BATF: variants seen among roughly 807,000 people sequenced by gnomAD.
The protein encoded by BATF is basic leucine zipper transcriptional factor ATF-like.
BATF carries 5 observed loss-of-function variants against 13.7 expected under a neutral mutation model. The observed-to-expected ratio is 0.36, with a 90% CI of 0.19 to 0.77. The LOEUF is 0.77. BATF is among the 30% of genes least tolerant of loss of function. BATF has a pLI of 0.51. For synonymous variants in BATF, 72 were observed against 67.5 expected, an observed-to-expected ratio of 1.07 and a Z score of -0.33; for missense variants, 124 against 163.0, an observed-to-expected ratio of 0.76 and a Z score of 1.30.
intron 2 of BATF, 94 bp from the exon 3 acceptor site, chr14:75,546,368 C>T (rs930152545): frequency 1.6e-6 from 2 of 1,283,136 alleles, no homozygotes; most frequent in Non-Finnish European, 2.2e-6. Context: ...TGCTAGTGAA[C>T]AACTAATCTG....
intron 2 of BATF, among the ~76,000 whole-genome samples, chr14:75,540,524 C>G (rs143026023): frequency 2.1e-4 from 32 of 152,296 alleles, no homozygotes; most frequent in African/African-American, 7.2e-4. Flanking sequence ...AACTGTCAAA[C>G]AGTATAACGT....
At chr14:75,526,389 T>G (rs1887655097) in intron 2 of BATF, among the ~76,000 whole-genome samples, 1 of 152,172 alleles carries the variant, frequency 6.6e-6, no homozygotes, top group Non-Finnish European at 1.5e-5. Flanking sequence ...TTCCTTTCCA[T>G]GGAAAAAGTG....
intron 2 of BATF, among the ~76,000 whole-genome samples, chr14:75,542,103 A>G (rs1887904670): frequency 6.6e-6 from 1 of 152,238 alleles, no homozygotes; most frequent in Admixed American, 6.5e-5. Context: ...GAGTCTTTGC[A>G]TCAAACACTC....
chr14:75,524,032 T>C (rs1887615509), intron 1 of BATF, among the ~76,000 whole-genome samples: 1 of 152,184 alleles, frequency 6.6e-6, no homozygotes, highest in Non-Finnish European at 1.5e-5. Flanking sequence ...CCTGAAAGTA[T>C]TGGACATGTT....
intron 2 of BATF, among the ~76,000 whole-genome samples, chr14:75,541,136 T>A (rs565398554): frequency 1.3e-5 from 2 of 152,252 alleles, no homozygotes; most frequent in South Asian, 2.1e-4. Context: ...CCTAGGCTAT[T>A]TTTTTAAAAA....
At position 75,522,694 on chromosome 14, in the gene BATF, C is replaced by T; in HGVS notation, c.12C>T (p.Ser4=). The T allele has an allele frequency of 6.2e-7, 1 of 1,614,176 alleles. No homozygotes were observed. ...GGAAGATTTCAGCCATGCCTCACAG[C>T]TCCGACAGCAGTGACTCCAGCTTCA... MPH[S]SDSSDSSFSR... The change falls in exon 1 of 3, where the codon AGC becomes AGT. Residue 4 remains serine (S), a synonymous_variant. Coordinates refer to ENST00000286639, the MANE Select transcript of BATF (RefSeq NM_006399.5).
At chr14:75,540,941 G>C (rs763585192) in intron 2 of BATF, among the ~76,000 whole-genome samples, 1 of 152,058 alleles carries the variant, frequency 6.6e-6, no homozygotes, top group Non-Finnish European at 1.5e-5. Flanking sequence ...CAAAAAGTTA[G>C]CCAAGTGTAT....
At chr14:75,534,069 T>C (rs2140038165) in intron 2 of BATF, among the ~76,000 whole-genome samples, 1 of 152,172 alleles carries the variant, frequency 6.6e-6, no homozygotes, top group Middle Eastern at 3.4e-3. Context: ...AGAAAGAGAG[T>C]GAGTCCAAAC....
chr14:75,546,064 G>A (rs1595010523), intron 2 of BATF, among the ~76,000 whole-genome samples: 1 of 151,988 alleles, frequency 6.6e-6, no homozygotes, highest in Admixed American at 6.6e-5. Context: ...GTTTTGCCAC[G>A]TTGCCCAGGC....
intron 2 of BATF, among the ~76,000 whole-genome samples, chr14:75,531,308 A>G (rs1887728225): frequency 6.6e-6 from 1 of 152,180 alleles, no homozygotes; most frequent in African/African-American, 2.4e-5. Flanking sequence ...CTGGTGCCGT[A>G]CAGCTGGAAG....
intron 2 of BATF, among the ~76,000 whole-genome samples, chr14:75,543,651 C>A (rs572127955): frequency 1.9e-4 from 29 of 152,052 alleles, no homozygotes; most frequent in Middle Eastern, 3.4e-3. Context: ...CTCACTGCAG[C>A]CTCCAACCCC....
At chr14:75,543,019 T>C (rs1887919749) in intron 2 of BATF, among the ~76,000 whole-genome samples, 1 of 152,162 alleles carries the variant, frequency 6.6e-6, no homozygotes, top group African/African-American at 2.4e-5. Context: ...GCACAGAATT[T>C]ACAGTAAATG....
intron 1 of BATF, 48 bp from the exon 2 acceptor site, chr14:75,525,036 A>G (rs373715508): frequency 2.3e-5 from 34 of 1,507,092 alleles, no homozygotes; most frequent in Non-Finnish European, 3.1e-5. Context: ...GCTTTCACTC[A>G]GAAGGGAGAT....
Position 75,522,575 on chromosome 14 carries a change from G to C in BATF, c.-108G>C, listed in dbSNP as rs909416836. 10 of 1,278,904 alleles carry C rather than the reference G, an allele frequency of 7.8e-6. No homozygotes were observed. The highest frequency in any genetic ancestry group is 7.1e-5 in the East Asian group (3 of 42,250). The allele number at this position is 1,278,904 out of a possible 1,614,324, so 79.2% of individuals were successfully genotyped here. On this transcript the variant is annotated 5_prime_UTR_variant, in exon 1 of 3. Coordinates refer to ENST00000286639, the MANE Select transcript of BATF (RefSeq NM_006399.5). ...GGGCAGGCAGAGGAGGCACCTGTAG[G>C]GGGTGGTGGGCTGGTGGCCCAGGAG...
rs1371683095 is a variant in BATF at position 75,546,747 on chromosome 14, C to T, written c.*76C>T. 2.1e-6 allele frequency: 3 copies of T among 1,438,196 alleles called. No homozygotes were observed. Among genetic ancestry groups the T allele is most frequent in the East Asian group, 2.5e-5 (1 of 40,152 alleles). 89.1% of individuals were successfully genotyped at this position (1,438,196 alleles called of 1,614,324 possible). A position where few individuals can be genotyped will look rare whatever the true frequency, so the allele number is the denominator to read the frequency against. ...CAGAGCTGCGCCCATCCCGCAGAGG[C>T]CCCTGTCCACCTGGAGACCCGGAGA... On this transcript the variant is annotated 3_prime_UTR_variant, in exon 3 of 3. Coordinates refer to ENST00000286639, the MANE Select transcript of BATF (RefSeq NM_006399.5).
rs1385477124 is a variant in BATF, at chr14:75,522,595, CAGG to C, written c.-85_-83del. On this transcript the variant is annotated 5_prime_UTR_variant, in exon 1 of 3. Coordinates refer to ENST00000286639, the MANE Select transcript of BATF (RefSeq NM_006399.5). ...TGTAGGGGGTGGTGGGCTGGTGGCC[CAGG>C]AGAAGTCAGGAAGGGAGCCCAGCTG... 9 of 1,511,994 alleles carry C rather than the reference CAGG, an allele frequency of 6.0e-6. No individual in the cohort carries two copies. The Admixed American group carries it at 1.4e-4, about 23-fold the overall frequency. The allele number at this position is 1,511,994 out of a possible 1,614,324, so 93.7% of individuals were successfully genotyped here.
chr14:75,525,445 C>T (rs1035400546), intron 2 of BATF, among the ~76,000 whole-genome samples: 2 of 151,646 alleles, frequency 1.3e-5, no homozygotes, highest in African/African-American at 4.8e-5. Flanking sequence ...GGTGGGTCAC[C>T]TGAGGTCAGG....
chr14:75,545,805 C>T (rs1887975549), intron 2 of BATF, among the ~76,000 whole-genome samples: 1 of 152,002 alleles, frequency 6.6e-6, no homozygotes, highest in Admixed American at 6.5e-5. Context: ...CATGCATACA[C>T]GCAGAGGAAC....
intron 2 of BATF, among the ~76,000 whole-genome samples, chr14:75,540,851 T>G (rs562081001): frequency 2.6e-5 from 4 of 152,230 alleles, no homozygotes; most frequent in Non-Finnish European, 5.9e-5. Context: ...TTTGGGAGGC[T>G]GAGGCAGGCG....
Sources: allele counts gnomAD v4.1 joint callset (sites outside exome capture counted in the v4.1 genomes callset), GRCh38; gene constraint gnomAD v4.1.1; transcripts MANE v1.5; gene names NCBI Gene and HGNC (gene_info 2026-07-23, HGNC 2026-07-21).